The following PHKA1 variants were observed in gnomAD, a reference collection of about 807,000 sequenced individuals.
PHKA1 encodes the protein phosphorylase b kinase regulatory subunit alpha, skeletal muscle isoform.
PHKA1 carries 60 observed loss-of-function variants against 110.2 expected under a neutral mutation model. The ratio of observed to expected loss-of-function variants is 0.54; its 90% CI spans 0.44 to 0.68. PHKA1 has a LOEUF of 0.68. PHKA1 is among the 30% of genes least tolerant of loss of function. PHKA1 has a pLI of 0.00. For synonymous variants in PHKA1, 316 were observed against 333.6 expected, an observed-to-expected ratio of 0.95 and a Z score of 0.58; for missense variants, 801 against 942.5, an observed-to-expected ratio of 0.85 and a Z score of 1.97.
chrX:72,637,115 T>G (rs2053239358), intron 14 of PHKA1, among the ~76,000 whole-genome samples: 1 of 112,012 alleles, frequency 8.9e-6, no homozygotes, highest in Non-Finnish European at 1.9e-5. Flanking sequence ...TGGCATTAAG[T>G]ACATTTACAT....
chrX:72,667,822 A>C (rs1223400595), intron 6 of PHKA1, among the ~76,000 whole-genome samples: 5 of 111,878 alleles, frequency 4.5e-5, no homozygotes, highest in Admixed American at 9.5e-5. Flanking sequence ...TTTTCTAAAT[A>C]TATTTTTGAT....
At chrX:72,646,723 T>A (rs782346508) in intron 13 of PHKA1, among the ~76,000 whole-genome samples, 62 of 111,806 alleles carry the variant, frequency 5.5e-4, no homozygotes, top group Non-Finnish European at 1.1e-3. Flanking sequence ...GGGAAGCCCT[T>A]GTAGAGGCAT....
chrX:72,654,678 C>T (rs371154482), intron 10 of PHKA1, among the ~76,000 whole-genome samples: 1 of 111,385 alleles, frequency 9.0e-6, no homozygotes, highest in East Asian at 2.8e-4. Flanking sequence ...AGCCATGATA[C>T]TATTATTTTT....
chrX:72,620,096 T>A (rs1172940809), intron 19 of PHKA1, among the ~76,000 whole-genome samples: 5 of 112,077 alleles, frequency 4.5e-5, no homozygotes, highest in African/African-American at 1.6e-4. Context: ...GTCAATAAAG[T>A]TTTAGACAGC....
intron 28 of PHKA1, among the ~76,000 whole-genome samples, chrX:72,596,519 A>G (rs1556234511): frequency 8.9e-6 from 1 of 112,106 alleles, no homozygotes; most frequent in African/African-American, 3.2e-5. Flanking sequence ...AAATAAAATT[A>G]AGAAAACAAT....
At chrX:72,661,241 T>C (rs1436859238) in intron 8 of PHKA1, among the ~76,000 whole-genome samples, 6 of 112,144 alleles carry the variant, frequency 5.4e-5, no homozygotes, top group African/African-American at 1.3e-4. Flanking sequence ...CATGCTGTTG[T>C]TTAGGTAATA....
Position 72,627,065 on chromosome X carries a change from A to ATTTTTTTGG in PHKA1, c.1715-17_1715-16insCCAAAAAAA. 1 of 1,143,259 alleles carries ATTTTTTTGG rather than the reference A, an allele frequency of 8.7e-7. No homozygotes were observed. The allele number at this position is 1,143,259 out of a possible 1,213,427, so 94.2% of individuals were successfully genotyped here. On this transcript the variant is annotated splice_polypyrimidine_tract_variant and intron_variant, in intron 16 of 31. Coordinates refer to ENST00000373542, the MANE Select transcript of PHKA1 (RefSeq NM_002637.4). ...CCATCTTCATCTTGAAATGAACAGA[A>ATTTTTTTGG]TTTTAAAACAATCTTTGTGGTTTTA...
intron 5 of PHKA1, among the ~76,000 whole-genome samples, chrX:72,681,334 G>A (rs2053861386): frequency 9.0e-6 from 1 of 110,526 alleles, no homozygotes; most frequent in African/African-American, 3.2e-5. Context: ...CCCGGCAGCT[G>A]CCCCGTCTGA....
chrX:72,647,671 G>C (rs986119738), intron 13 of PHKA1, among the ~76,000 whole-genome samples: 1 of 111,211 alleles, frequency 9.0e-6, no homozygotes, highest in African/African-American at 3.3e-5. Context: ...TATGGTATAG[G>C]AGGTGAGATC....
intron 16 of PHKA1, among the ~76,000 whole-genome samples, chrX:72,632,029 A>C (rs2053173194): frequency 8.9e-6 from 1 of 111,951 alleles, no homozygotes; most frequent in Admixed American, 9.4e-5. Flanking sequence ...ATTCCTTTAT[A>C]GTTAGATTCT....
chrX:72,611,451 T>G (rs1423339599), intron 21 of PHKA1, among the ~76,000 whole-genome samples: 4 of 112,030 alleles, frequency 3.6e-5, no homozygotes, highest in Non-Finnish European at 5.6e-5. Context: ...TAGTTGAAAT[T>G]AAAGACAAAG....
At chrX:72,684,713 T>G (rs2053949014) in intron 4 of PHKA1, 133 bp from the exon 5 acceptor site, 1 of 489,024 alleles carries the variant, frequency 2.0e-6, no homozygotes, top group African/African-American at 2.4e-5. Context: ...GAAGGCACTT[T>G]GATCTTAAAC....
chrX:72,635,152 T>C lies in PHKA1; in HGVS notation c.1714+3A>G. 2.5e-6 allele frequency: 3 copies of C among 1,211,630 alleles called. No homozygotes were observed. Among genetic ancestry groups the C allele is most frequent in the Non-Finnish European group, 3.4e-6 (3 of 895,398 alleles). Reference sequence around the variant, plus strand: ...TTCGTTCCTTGCCTCATGCAGCCCTTACCAAGCATGCTGTGTGAGATGGGG... The same window carrying C: ...TTCGTTCCTTGCCTCATGCAGCCCTCACCAAGCATGCTGTGTGAGATGGGG... On this transcript the variant is annotated splice_donor_region_variant and intron_variant, in intron 16 of 31. Coordinates refer to ENST00000373542, the MANE Select transcript of PHKA1 (RefSeq NM_002637.4).
intron 28 of PHKA1, among the ~76,000 whole-genome samples, chrX:72,595,332 G>A (rs1352651970): frequency 2.7e-5 from 3 of 111,077 alleles, no homozygotes; most frequent in Non-Finnish European, 5.7e-5. Flanking sequence ...ACAACCCACA[G>A]CTAACATCAT....
chrX:72,660,550 T>C, intron 8 of PHKA1: 1 of 373,477 alleles, frequency 2.7e-6, no homozygotes, highest in Non-Finnish European at 4.5e-6. Context: ...CCAATGTTCC[T>C]GTTGGTATAG....
At chrX:72,626,901 G>C in intron 17 of PHKA1, 70 bp downstream of exon 17, 1 of 802,334 alleles carries the variant, frequency 1.2e-6, no homozygotes, top group Non-Finnish European at 1.9e-6. Context: ...GGCATCACAG[G>C]TATGCCACTA....
chrX:72,596,010 C>G (rs1603252474), intron 28 of PHKA1, among the ~76,000 whole-genome samples: 1 of 112,002 alleles, frequency 8.9e-6, no homozygotes, highest in East Asian at 2.8e-4. Flanking sequence ...TCAAATGCAG[C>G]ATTATTCACA....
intron 18 of PHKA1, chrX:72,622,390 G>A: frequency 1.3e-6 from 1 of 754,017 alleles, no homozygotes; most frequent in Non-Finnish European, 1.6e-6. Context: ...ATGAAAGCAG[G>A]CAAATCATAT....
chrX:72,651,768 A>G (rs1307654803), intron 12 of PHKA1, among the ~76,000 whole-genome samples: 1 of 111,473 alleles, frequency 9.0e-6, no homozygotes, highest in Non-Finnish European at 1.9e-5. Flanking sequence ...AATGAACAAA[A>G]CAGCTGCAAA....
Sources: gnomAD v4.1 joint callset for allele counts (sites outside exome capture counted in the v4.1 genomes callset) on GRCh38, gnomAD v4.1.1 for gene constraint, MANE v1.5 for transcripts, NCBI Gene and HGNC (gene_info 2026-07-23, HGNC 2026-07-21) for gene names.